STPG2: variants seen among roughly 807,000 people sequenced by gnomAD.
STPG2 encodes sperm tail PG-rich repeat containing 2, also known as sperm-tail PG-rich repeat-containing protein 2.
A neutral mutation model predicts 54.2 loss-of-function variants in STPG2; 56 were observed. The ratio of observed to expected loss-of-function variants is 1.03; its 90% CI spans 0.83 to 1.29. STPG2 has a LOEUF of 1.29. Among genes scored for constraint, STPG2 ranks in the 50% most tolerant of loss-of-function variants. STPG2 has a pLI of 0.00. For missense variants in STPG2, 596 were observed against 544.9 expected, an observed-to-expected ratio of 1.09 and a Z score of -0.93; for synonymous variants, 200 against 181.8, an observed-to-expected ratio of 1.10 and a Z score of -0.81.
chr4:97,625,352 C>G (rs1006378932), intron 10 of STPG2, among the ~76,000 whole-genome samples: 1 of 152,156 alleles, frequency 6.6e-6, no homozygotes, highest in Non-Finnish European at 1.5e-5. Flanking sequence ...TCTCTGTTGC[C>G]CAGGCTGGAG....
intron 4 of STPG2, among the ~76,000 whole-genome samples, chr4:97,513,771 G>A (rs1370983437): frequency 2.0e-5 from 3 of 152,046 alleles, no homozygotes; most frequent in South Asian, 2.1e-4. Flanking sequence ...AAATTAATGT[G>A]ACCAAAGTAA....
intron 9 of STPG2, among the ~76,000 whole-genome samples, chr4:97,755,630 G>T (rs1725703434): frequency 6.6e-6 from 1 of 152,108 alleles, no homozygotes; most frequent in Non-Finnish European, 1.5e-5. Flanking sequence ...ACTGTCAATT[G>T]TGTGCATACC....
At chr4:97,510,874 G>A (rs1392860218) in intron 4 of STPG2, among the ~76,000 whole-genome samples, 7 of 152,080 alleles carry the variant, frequency 4.6e-5, no homozygotes, top group Admixed American at 6.6e-5. Flanking sequence ...AGGCTGGGGC[G>A]GGAGGATAGC....
chr4:97,711,665 CT>C (rs1724124322), intron 10 of STPG2, among the ~76,000 whole-genome samples: 1 of 147,202 alleles, frequency 6.8e-6, no homozygotes, highest in Admixed American at 6.8e-5. Flanking sequence ...TTTTTATTTA[CT>C]TACTTTTTTT....
At chr4:98,101,864 T>TCCCCCCCC (rs140638030) in intron 5 of STPG2, among the ~76,000 whole-genome samples, 14 of 143,862 alleles carry the variant, frequency 9.7e-5, no homozygotes, top group Non-Finnish European at 1.1e-4. Context: ...TTTCATTATC[T>TCCCCCCCC]TCCCCCTCCC....
rs187729320 is a variant in STPG2, at chr4:98,038,558, A to C, written c.613-57240T>G. On this transcript the variant is annotated intron_variant, in intron 5 of 10. Transcript: ENST00000295268. ...GAGAATCTCACATCCCATGCACACA[A>C]AAAAAAGTGTTCCACATAAATGTCA... is the stretch of plus-strand genomic sequence containing the variant. Among the ~76,000 whole-genome samples the C allele has an allele frequency of 1.5e-3, 225 of 152,074 alleles. 1 individual carries two copies. The highest frequency in any genetic ancestry group is 3.4e-3 in the Middle Eastern group (1 of 294).
At chr4:97,453,776 G>C (rs1729439818) in intron 4 of STPG2, among the ~76,000 whole-genome samples, 1 of 152,066 alleles carries the variant, frequency 6.6e-6, no homozygotes, top group South Asian at 2.1e-4. Flanking sequence ...AGTATTGAGA[G>C]GTCCCAGGTT....
chr4:97,495,540 T>G (rs950729474), intron 4 of STPG2, among the ~76,000 whole-genome samples: 1 of 151,422 alleles, frequency 6.6e-6, no homozygotes, highest in Non-Finnish European at 1.5e-5. Context: ...TAATATATTA[T>G]GCAGTTCGGT....
At chr4:97,690,549 C>G (rs1196786316) in intron 10 of STPG2, among the ~76,000 whole-genome samples, 4 of 152,036 alleles carry the variant, frequency 2.6e-5, no homozygotes, top group Non-Finnish European at 5.9e-5. Flanking sequence ...CTCCAAGGTC[C>G]AATATTCTTA....
chr4:98,143,279 C>G lies in STPG2; in HGVS notation c.-129G>C. On this transcript the variant is annotated 5_prime_UTR_variant, in exon 1 of 11. Coordinates refer to ENST00000295268, the MANE Select transcript of STPG2 (RefSeq NM_174952.3). Reference sequence around the variant, plus strand: ...GAGGCCGGGAAAGAACTTCCGTAAACAGGGAAATTAGGGGTGGGGTTGTCT... The same window carrying G: ...GAGGCCGGGAAAGAACTTCCGTAAAGAGGGAAATTAGGGGTGGGGTTGTCT... 2 of 660,422 alleles carry G rather than the reference C, an allele frequency of 3.0e-6. No homozygotes were observed. Among genetic ancestry groups the G allele is most frequent in the South Asian group, 1.9e-5 (1 of 51,292 alleles). 40.9% of individuals were successfully genotyped at this position (660,422 alleles called of 1,614,324 possible). A position where few individuals can be genotyped will look rare whatever the true frequency, so the allele number is the denominator to read the frequency against.
rs532956661 is a variant in STPG2, at chr4:98,110,637, T to G, written c.388-1332A>C. 2.6e-5 allele frequency among the ~76,000 whole-genome samples: 4 copies of G among 152,240 alleles called. No individual in the cohort carries two copies. In the South Asian group the frequency reaches 8.3e-4, roughly 32 times the overall value. ...CATGCACTTGATCTCTCAAATCACCTGCTGGGCCCTCTTCCAAGTGTTCTT... is the reference window on the plus strand; with the variant it reads ...CATGCACTTGATCTCTCAAATCACCGGCTGGGCCCTCTTCCAAGTGTTCTT... On this transcript the variant is annotated intron_variant, in intron 3 of 10. Transcript: ENST00000295268.
chr4:98,004,917 T>C (rs1735529137), intron 5 of STPG2, among the ~76,000 whole-genome samples: 1 of 151,892 alleles, frequency 6.6e-6, no homozygotes, highest in African/African-American at 2.4e-5. Context: ...TTAAAAATAT[T>C]TTTCCTATTT....
At chr4:97,716,845 C>T (rs1475201203) in intron 9 of STPG2, among the ~76,000 whole-genome samples, 1 of 151,706 alleles carries the variant, frequency 6.6e-6, no homozygotes, top group Non-Finnish European at 1.5e-5. Context: ...CAAACCTGCA[C>T]GTTCTGCACA....
At chr4:98,009,610 A>G (rs1735680742) in intron 5 of STPG2, among the ~76,000 whole-genome samples, 1 of 151,722 alleles carries the variant, frequency 6.6e-6, no homozygotes, top group Non-Finnish European at 1.5e-5. Context: ...CCTAAAGTAC[A>G]GTTCAAATCC....
intron 8 of STPG2, among the ~76,000 whole-genome samples, chr4:97,882,852 T>G (rs1190285649): frequency 6.6e-6 from 1 of 152,092 alleles, no homozygotes; most frequent in Non-Finnish European, 1.5e-5. Flanking sequence ...GGCAAAGGTA[T>G]GCAAATCAAA....
intron 4 of STPG2, among the ~76,000 whole-genome samples, chr4:97,548,298 CAGAT>C (rs535494468): frequency 2.5e-4 from 38 of 152,122 alleles, no homozygotes; most frequent in African/African-American, 6.5e-4. Flanking sequence ...AAAAAACAGG[CAGAT>C]AGATAGAAGA....
chr4:97,473,503 G>A (rs569396164), intron 4 of STPG2, among the ~76,000 whole-genome samples: 6 of 152,016 alleles, frequency 3.9e-5, no homozygotes, highest in South Asian at 2.1e-4. Flanking sequence ...TGGTCAGACC[G>A]GTTGCTCTCA....
chr4:97,736,704 G>T (rs1034546994), intron 9 of STPG2, among the ~76,000 whole-genome samples: 1 of 152,208 alleles, frequency 6.6e-6, no homozygotes, highest in Non-Finnish European at 1.5e-5. Flanking sequence ...CAAAGGAGCC[G>T]GGAAGCTCGA....
intron 5 of STPG2, among the ~76,000 whole-genome samples, chr4:98,057,803 G>T (rs1036034850): frequency 6.6e-6 from 1 of 152,136 alleles, no homozygotes. Context: ...GGCAGCTAGA[G>T]AGAAAAGTCA....
Sources: gnomAD v4.1 joint callset for allele counts (sites outside exome capture counted in the v4.1 genomes callset) on GRCh38, gnomAD v4.1.1 for gene constraint, MANE v1.5 for transcripts, NCBI Gene and HGNC (gene_info 2026-07-23, HGNC 2026-07-21) for gene names.